Variants in PHF3 observed in about 807,000 individuals in gnomAD.
PHF3 encodes the protein PHD finger protein 3.
In PHF3, 41 loss-of-function variants were observed where a neutral mutation model predicts 178.4. The ratio of observed to expected loss-of-function variants is 0.23; its 90% CI spans 0.18 to 0.30. The LOEUF is 0.30. Among genes scored for constraint, PHF3 ranks in the 10% least tolerant of loss-of-function variants. PHF3 has a pLI of 1.00. For synonymous variants in PHF3, 842 were observed against 800.5 expected (o/e 1.05, Z -0.88); for missense variants, 2,346 against 2,398.1 (o/e 0.98, Z 0.45).
At chr6:63,711,546 T>G in intron 15 of PHF3, 40 bp from the exon 16 acceptor site, 1 of 1,509,094 alleles carries the variant, frequency 6.6e-7, no homozygotes, top group Non-Finnish European at 8.9e-7. Context: ...TTGCAATGAT[T>G]GAAAATGATG....
rs957369968 is a variant in PHF3, at chr6:63,679,826, T to G, written c.245-174T>G. On this transcript the variant is annotated intron_variant, in intron 2 of 15. Transcript: ENST00000262043. ...CAAGGTGGAAGTTTATAAAACTGAC[T>G]TGATTTGGGAGTTTGGTAGTGGCAA... 7 of 659,860 alleles carry G rather than the reference T, an allele frequency of 1.1e-5. No individual in the cohort carries two copies. In the African/African-American group the frequency reaches 1.2e-4, roughly 12 times the overall value. The allele number at this position is 659,860 out of a possible 1,614,324, so 40.9% of individuals were successfully genotyped here.
At chr6:63,705,955 T>C (rs898985592) in intron 11 of PHF3, 74 bp from the exon 12 acceptor site, 7 of 1,175,478 alleles carry the variant, frequency 6.0e-6, no homozygotes, top group South Asian at 4.9e-5. Context: ...TGAATAACTT[T>C]AGAAAGTGAA....
At chr6:63,679,280 T>C (rs888104346) in intron 2 of PHF3, among the ~76,000 whole-genome samples, 1 of 152,108 alleles carries the variant, frequency 6.6e-6, no homozygotes, top group Non-Finnish European at 1.5e-5. Flanking sequence ...ACGGTGTTAC[T>C]ATTTCTTTGA....
chr6:63,654,889 C>CTTTTT (rs34787470), intron 2 of PHF3, among the ~76,000 whole-genome samples: 2 of 94,784 alleles, frequency 2.1e-5, no homozygotes, highest in African/African-American at 4.4e-5. Context: ...ATTAGGTGAC[C>CTTTTT]TTTTTTTTTT....
chr6:63,685,581 C>T lies in PHF3; in HGVS notation c.1859C>T (p.Ser620Leu). ...CATCCTGCACAAACTGGACATGTAT[C>T]ACATTCTAGCCAGAAACAGTGTCAT... is the stretch of plus-strand genomic sequence containing the variant. ...PHHPAQTGHV[S>L]HSSQKQCHKP... The change falls in exon 4 of 16, where the codon TCA (serine) becomes TTA (leucine). Residue 620 changes from serine to leucine, a missense_variant. Ser to Leu is a moderately radical substitution (Grantham distance 145). Coordinates refer to ENST00000262043, the MANE Select transcript of PHF3 (RefSeq NM_001370348.2). 1.9e-6 allele frequency: 3 copies of T among 1,614,072 alleles called. No individual in the cohort carries two copies. Among genetic ancestry groups the T allele is most frequent in the Non-Finnish European group, 2.5e-6 (3 of 1,180,004 alleles).
At chr6:63,668,192 C>T (rs1331880738) in intron 2 of PHF3, among the ~76,000 whole-genome samples, 2 of 152,186 alleles carry the variant, frequency 1.3e-5, no homozygotes, top group Admixed American at 1.3e-4. Context: ...TGGTTGCTTA[C>T]AGTTCCTACT....
chr6:63,646,210 A>G (rs1363885738), intron 1 of PHF3, among the ~76,000 whole-genome samples: 1 of 152,048 alleles, frequency 6.6e-6, no homozygotes, highest in Non-Finnish European at 1.5e-5. Flanking sequence ...AAGCCATGTA[A>G]TTCTTTTGTA....
chr6:63,700,283 A>C, intron 8 of PHF3, 67 bp from the exon 9 acceptor site: 2 of 643,748 alleles, frequency 3.1e-6, no homozygotes, highest in Non-Finnish European at 2.7e-6. Context: ...CTTTATTATA[A>C]ATTTCTGTGT....
chr6:63,724,065 C>T lies in PHF3; in HGVS notation c.*10357C>T, dbSNP rs1443381224. Among the ~76,000 whole-genome samples the T allele has an allele frequency of 3.9e-5, 6 of 152,078 alleles. No homozygotes were observed. ...CAGGTGATCCGCCCACCTCGGCCTC[C>T]CAAAGTGGTGGGATTACAGGCATAT... is the stretch of plus-strand genomic sequence containing the variant. On this transcript the variant is annotated 3_prime_UTR_variant, in exon 16 of 16. Coordinates refer to ENST00000262043, the MANE Select transcript of PHF3 (RefSeq NM_001370348.2).
chr6:63,672,808 G>A (rs562083187), intron 2 of PHF3, among the ~76,000 whole-genome samples: 2 of 152,260 alleles, frequency 1.3e-5, no homozygotes, highest in South Asian at 2.1e-4. Context: ...AATCCCAGCC[G>A]CCATACTTGA....
At chr6:63,650,175 A>G (rs1764962348) in intron 2 of PHF3, among the ~76,000 whole-genome samples, 1 of 152,202 alleles carries the variant, frequency 6.6e-6, no homozygotes, top group East Asian at 1.9e-4. Context: ...ATACTGTAGA[A>G]ACATGAGCCT....
chr6:63,716,302 TTGAGAA>T lies in PHF3; in HGVS notation c.*2601_*2606del, dbSNP rs1176869275. The stretch of plus-strand genomic sequence containing the variant: ...GTGCTTAGCAATTGTGCTCTGAGAA[TTGAGAA>T]TGAGAAAAAGAAGCAAAAGCCTGAT... On this transcript the variant is annotated 3_prime_UTR_variant, in exon 16 of 16. Coordinates refer to ENST00000262043, the MANE Select transcript of PHF3 (RefSeq NM_001370348.2). Among the ~76,000 whole-genome samples, 1 of 152,150 alleles carries T rather than the reference TTGAGAA, an allele frequency of 6.6e-6. No homozygotes were observed.
Position 63,725,974 on chromosome 6 carries a change from T to TA in PHF3, c.*12269dup, listed in dbSNP as rs1386447996. Among the ~76,000 whole-genome samples, 2 of 152,264 alleles carry TA rather than the reference T, an allele frequency of 1.3e-5. No homozygotes were observed. The highest frequency in any genetic ancestry group is 6.5e-5 in the Admixed American group (1 of 15,294). On this transcript the variant is annotated 3_prime_UTR_variant, in exon 16 of 16. Transcript: ENST00000262043. The stretch of plus-strand genomic sequence containing the variant: ...AATGAATGAAAATGGATATCAAGGG[T>TA]AAAGTAAAACCTAAAAAATTAAATT...
chr6:63,646,871 T>C, intron 2 of PHF3, 76 bp downstream of exon 2: 1 of 1,018,346 alleles, frequency 9.8e-7, no homozygotes, highest in Non-Finnish European at 1.3e-6. Flanking sequence ...AGCTTTTTCT[T>C]TTTTCTTTTT....
chr6:63,688,044 C>T (rs914389000), intron 4 of PHF3, among the ~76,000 whole-genome samples: 5 of 151,432 alleles, frequency 3.3e-5, no homozygotes, highest in East Asian at 2.0e-4. Flanking sequence ...ATTAGCTGGG[C>T]GTGCTGGCGG....
intron 2 of PHF3, among the ~76,000 whole-genome samples, chr6:63,667,103 C>T (rs1033745482): frequency 1.2e-4 from 19 of 152,012 alleles, no homozygotes; most frequent in East Asian, 1.9e-4. Context: ...CCTTGGCCTT[C>T]GAAAGTGCTG....
chr6:63,651,775 T>C (rs879270990), intron 2 of PHF3, among the ~76,000 whole-genome samples: 7 of 152,194 alleles, frequency 4.6e-5, no homozygotes, highest in Non-Finnish European at 7.3e-5. Flanking sequence ...TCAACTCTTT[T>C]GCTGCTATAT....
intron 14 of PHF3, among the ~76,000 whole-genome samples, chr6:63,710,029 C>T (rs982112952): frequency 1.1e-4 from 17 of 152,090 alleles, no homozygotes; most frequent in South Asian, 4.1e-4. Context: ...AACAGTCATT[C>T]GATAAATAAA....
Position 63,719,005 on chromosome 6 carries a change from GT to G in PHF3, c.*5299del, listed in dbSNP as rs1483880745. Among the ~76,000 whole-genome samples, 1 of 151,952 alleles carries G rather than the reference GT, an allele frequency of 6.6e-6. No individual in the cohort carries two copies. The highest frequency in any genetic ancestry group is 1.5e-5 in the Non-Finnish European group (1 of 67,922). The stretch of plus-strand genomic sequence containing the variant: ...CAGTTTTTCAGCAAAATTTGATGGA[GT>G]TGTTTTAAGTGGTTTCCGTTAAAAA... On this transcript the variant is annotated 3_prime_UTR_variant, in exon 16 of 16. Coordinates refer to ENST00000262043, the MANE Select transcript of PHF3 (RefSeq NM_001370348.2).
Sources: gnomAD v4.1 joint callset for allele counts (sites outside exome capture counted in the v4.1 genomes callset) on GRCh38, gnomAD v4.1.1 for gene constraint, MANE v1.5 for transcripts, NCBI Gene and HGNC (gene_info 2026-07-23, HGNC 2026-07-21) for gene names.